The following ZFPM2 variants were observed in gnomAD, a reference collection of about 807,000 sequenced individuals.
The protein encoded by ZFPM2 is zinc finger protein ZFPM2.
In ZFPM2, 20 loss-of-function variants were observed where a neutral mutation model predicts 98.6. That is an observed-to-expected ratio of 0.20 (90% CI 0.14 to 0.29). ZFPM2 has a LOEUF of 0.29. ZFPM2 is among the 10% of genes least tolerant of loss of function. ZFPM2 has a pLI of 1.00. For synonymous variants in ZFPM2, 518 were observed against 502.7 expected (o/e 1.03, Z -0.41); for missense variants, 1,310 against 1,388.6 (o/e 0.94, Z 0.90).
At chr8:105,368,833 A>C (rs1810562221) in intron 1 of ZFPM2, among the ~76,000 whole-genome samples, 1 of 152,162 alleles carries the variant, frequency 6.6e-6, no homozygotes, top group South Asian at 2.1e-4. Flanking sequence ...TAGCTGCTCC[A>C]GAAAAATATG....
intron 3 of ZFPM2, among the ~76,000 whole-genome samples, chr8:105,447,895 T>C (rs1462608897): frequency 6.6e-6 from 1 of 152,152 alleles, no homozygotes; most frequent in Non-Finnish European, 1.5e-5. Context: ...TTTTCCCTTA[T>C]GTTATTCAAC....
intron 3 of ZFPM2, among the ~76,000 whole-genome samples, chr8:105,501,244 G>A (rs1239037137): frequency 2.7e-5 from 4 of 148,362 alleles, no homozygotes; most frequent in East Asian, 2.0e-4. Context: ...GTGCAGTGGC[G>A]CCATCTCAGC....
intron 5 of ZFPM2, among the ~76,000 whole-genome samples, chr8:105,682,470 C>T (rs1207039806): frequency 1.3e-5 from 2 of 152,222 alleles, no homozygotes; most frequent in Non-Finnish European, 1.5e-5. Context: ...TCACAGAAAT[C>T]AGTGCTATGA....
At chr8:105,483,039 T>TTCC (rs2069494941) in intron 3 of ZFPM2, among the ~76,000 whole-genome samples, 2 of 49,890 alleles carry the variant, frequency 4.0e-5, no homozygotes, top group Non-Finnish European at 8.0e-5. Flanking sequence ...TCCTTCCTTC[T>TTCC]TTATTTTAAC....
chr8:105,699,481 C>T (rs1811093835), intron 5 of ZFPM2, among the ~76,000 whole-genome samples: 1 of 152,036 alleles, frequency 6.6e-6, no homozygotes. Flanking sequence ...TTTTTCTAAA[C>T]ATATAGTTTG....
At position 105,658,110 on chromosome 8, in the gene ZFPM2, T is replaced by G. The variant is rs181569484; in HGVS notation, c.532+23753T>G. On this transcript the variant is annotated intron_variant, in intron 5 of 7. Transcript: ENST00000407775. Reference sequence around the variant, plus strand: ...TTTTCTTCACATCAACAGCAATGGATTCTTCAAAAGAGGAAAGCAGTTTTT... The same window carrying G: ...TTTTCTTCACATCAACAGCAATGGAGTCTTCAAAAGAGGAAAGCAGTTTTT... Among the ~76,000 whole-genome samples, 7 of 152,300 alleles carry G rather than the reference T, an allele frequency of 4.6e-5. No homozygotes were observed. The East Asian group carries it at 9.7e-4, about 21-fold the overall frequency.
At chr8:105,336,249 G>A (rs1316972727) in intron 1 of ZFPM2, among the ~76,000 whole-genome samples, 1 of 151,622 alleles carries the variant, frequency 6.6e-6, no homozygotes, top group East Asian at 1.9e-4. Flanking sequence ...GTAAAGACGA[G>A]GTTATTAAGG....
intron 1 of ZFPM2, among the ~76,000 whole-genome samples, chr8:105,384,600 C>A (rs1248969022): frequency 6.6e-6 from 1 of 151,822 alleles, no homozygotes; most frequent in East Asian, 1.9e-4. Flanking sequence ...GCAAACTGAT[C>A]TCCATGTACC....
chr8:105,558,707 T>C (rs1403332764), intron 3 of ZFPM2, among the ~76,000 whole-genome samples: 1 of 152,152 alleles, frequency 6.6e-6, no homozygotes, highest in African/African-American at 2.4e-5. Context: ...GATGAATTAC[T>C]TTTTTAAAGG....
chr8:105,709,246 C>T (rs562806202), intron 5 of ZFPM2, among the ~76,000 whole-genome samples: 2 of 152,252 alleles, frequency 1.3e-5, no homozygotes, highest in Admixed American at 6.5e-5. Context: ...CATTTTCACT[C>T]ATCAATCTGG....
intron 5 of ZFPM2, among the ~76,000 whole-genome samples, chr8:105,720,061 T>A (rs1309458906): frequency 6.6e-6 from 1 of 151,944 alleles, no homozygotes; most frequent in African/African-American, 2.4e-5. Flanking sequence ...CATGTCACAT[T>A]TAACTTATGC....
chr8:105,391,215 A>G (rs1447856144), intron 1 of ZFPM2, among the ~76,000 whole-genome samples: 1 of 152,204 alleles, frequency 6.6e-6, no homozygotes. Flanking sequence ...CCTGTGTCAC[A>G]TTTTGGTAAT....
chr8:105,694,990 C>A (rs965825317), intron 5 of ZFPM2, among the ~76,000 whole-genome samples: 20 of 152,040 alleles, frequency 1.3e-4, no homozygotes, highest in African/African-American at 4.3e-4. Flanking sequence ...TTAAGATAAC[C>A]CTCTAAAACA....
At chr8:105,502,633 A>G (rs560252098) in intron 3 of ZFPM2, among the ~76,000 whole-genome samples, 3 of 152,356 alleles carry the variant, frequency 2.0e-5, no homozygotes, top group Middle Eastern at 3.4e-3. Flanking sequence ...AGCAACCAAC[A>G]TGGTTTTGTG....
intron 3 of ZFPM2, among the ~76,000 whole-genome samples, chr8:105,461,589 A>G (rs1586389692): frequency 6.6e-6 from 1 of 152,156 alleles, no homozygotes; most frequent in East Asian, 1.9e-4. Flanking sequence ...TAAAACAACT[A>G]TCTAGGATTA....
At chr8:105,779,738 A>G (rs1813198855) in intron 5 of ZFPM2, among the ~76,000 whole-genome samples, 1 of 152,170 alleles carries the variant, frequency 6.6e-6, no homozygotes, top group Non-Finnish European at 1.5e-5. Flanking sequence ...GCTTGTCTTA[A>G]TCTTAATTAG....
intron 5 of ZFPM2, chr8:105,780,676 G>GTT (rs1237404948): frequency 6.6e-6 from 1 of 152,246 alleles, no homozygotes. Flanking sequence ...GAGGTCAGGA[G>GTT]TTTGAGACCA....
chr8:105,750,934 C>T (rs573511083), intron 5 of ZFPM2, among the ~76,000 whole-genome samples: 7 of 152,082 alleles, frequency 4.6e-5, no homozygotes, highest in Non-Finnish European at 7.4e-5. Flanking sequence ...TAACACTACC[C>T]TTTGTCTGAG....
intron 5 of ZFPM2, among the ~76,000 whole-genome samples, chr8:105,778,752 G>A (rs1813169657): frequency 6.6e-6 from 1 of 151,994 alleles, no homozygotes; most frequent in African/African-American, 2.4e-5. Context: ...TTTAGTATAT[G>A]GTATAGCATA....
Sources: gnomAD v4.1 joint callset for allele counts (sites outside exome capture counted in the v4.1 genomes callset) on GRCh38, gnomAD v4.1.1 for gene constraint, MANE v1.5 for transcripts, NCBI Gene and HGNC (gene_info 2026-07-23, HGNC 2026-07-21) for gene names.